Variants in DYNC2H1 observed in about 807,000 individuals in gnomAD.
DYNC2H1 encodes cytoplasmic dynein 2 heavy chain 1.
A neutral mutation model predicts 570.0 loss-of-function variants in DYNC2H1; 410 were observed. The observed-to-expected ratio is 0.72, with a 90% confidence interval of 0.66 to 0.78. The LOEUF is 0.78. Among genes scored for constraint, DYNC2H1 ranks in the 30% least tolerant of loss-of-function variants. The pLI, the probability that DYNC2H1 is intolerant of heterozygous loss-of-function variation, is 0.00. For synonymous variants in DYNC2H1, 1,688 were observed against 1,677.6 expected (o/e 1.01, Z -0.15); for missense variants, 4,865 against 5,046.4 (o/e 0.96, Z 1.09).
At chr11:103,247,342 C>G (rs1864657540) in intron 65 of DYNC2H1, among the ~76,000 whole-genome samples, 1 of 152,044 alleles carries the variant, frequency 6.6e-6, no homozygotes, top group South Asian at 2.1e-4. Context: ...CCTACAGAGA[C>G]AGGCATACGT....
At chr11:103,390,933 T>C (rs898435787) in intron 83 of DYNC2H1, among the ~76,000 whole-genome samples, 5 of 152,210 alleles carry the variant, frequency 3.3e-5, no homozygotes, top group African/African-American at 4.8e-5. Context: ...CTTACCATTT[T>C]TTCCTTCATT....
At chr11:103,459,098 AG>A (rs1762093183) in intron 87 of DYNC2H1, among the ~76,000 whole-genome samples, 1 of 151,354 alleles carries the variant, frequency 6.6e-6, no homozygotes, top group Non-Finnish European at 1.5e-5. Flanking sequence ...TCACGAGGTC[AG>A]GAGATCGAGA....
chr11:103,399,149 G>GTT lies in DYNC2H1; in HGVS notation c.12157-504_12157-503dup, dbSNP rs1241890291. Among the ~76,000 whole-genome samples the GTT allele has an allele frequency of 3.6e-4, 44 of 122,204 alleles. 1 individual carries two copies. Among genetic ancestry groups the GTT allele is most frequent in the African/African-American group, 1.4e-3 (40 of 29,114 alleles). 80.2% of individuals were successfully genotyped at this position (122,204 alleles called of 152,430 possible). A position where few individuals can be genotyped will look rare whatever the true frequency, so the allele number is the denominator to read the frequency against. On this transcript the variant is annotated intron_variant, in intron 83 of 88. Transcript: ENST00000375735. ...TCATTTCCCACACCGTTTTTTTTTT[G>GTT]TTTTTTTTTTTGAGATGGAGTCTCA...
intron 87 of DYNC2H1, among the ~76,000 whole-genome samples, chr11:103,466,452 A>G (rs767220361): frequency 2.0e-5 from 3 of 152,190 alleles, no homozygotes; most frequent in East Asian, 3.8e-4. Flanking sequence ...TACCATAGAA[A>G]GTGAAAACAC....
In DYNC2H1 at chr11:103,241,666, C is replaced by CT; in HGVS notation, c.9820-2027_9820-2026insT. On this transcript the variant is annotated intron_variant, in intron 63 of 88. Transcript: ENST00000375735. The surrounding 1 kb of genome is among the most constrained non-coding windows in gnomAD (Gnocchi z 5.1). ...TAGATCAAAAACCTAGGTGCAGCAC[C>CT]ATGGTAACACTTCACAGGCTATTTA... The CT allele has an allele frequency of 2.6e-6, 2 of 759,596 alleles. No homozygotes were observed. Among genetic ancestry groups the CT allele is most frequent in the Non-Finnish European group, 4.3e-6 (2 of 469,740 alleles). 47.1% of individuals were successfully genotyped at this position (759,596 alleles called of 1,614,324 possible). A position where few individuals can be genotyped will look rare whatever the true frequency, so the allele number is the denominator to read the frequency against.
rs1055035733 is a variant in DYNC2H1 at position 103,209,490 on chromosome 11, A to G, written c.8455-386A>G. On this transcript the variant is annotated intron_variant, in intron 52 of 88. Coordinates refer to ENST00000375735, the MANE Select transcript of DYNC2H1 (RefSeq NM_001377.3). The surrounding 1 kb of genome is among the most constrained non-coding windows in gnomAD (Gnocchi z 4.2). ...TTTTAGTTTTTTTTTGAAAAAGCTA[A>G]GAATCCTTGCTACCCCACTATGTCA... Among the ~76,000 whole-genome samples, 2 of 151,956 alleles carry G rather than the reference A, an allele frequency of 1.3e-5. No individual in the cohort carries two copies.
intron 76 of DYNC2H1, 76 bp downstream of exon 76, chr11:103,303,329 A>AT (rs1867131043): frequency 3.3e-6 from 5 of 1,505,326 alleles, no homozygotes; most frequent in South Asian, 1.4e-5. Flanking sequence ...TCAAATGGAC[A>AT]TTTTTTGTTG....
chr11:103,453,435 T>C (rs1487887675), intron 85 of DYNC2H1, among the ~76,000 whole-genome samples: 1 of 151,840 alleles, frequency 6.6e-6, no homozygotes, highest in Non-Finnish European at 1.5e-5. Flanking sequence ...TAAAATAATC[T>C]TTGTTATTTA....
chr11:103,369,122 A>G lies in DYNC2H1; in HGVS notation c.12156+10763A>G, dbSNP rs150361338. Reference sequence around the variant, plus strand: ...AGACACCATCCCTCCCCTGTCTCCAAGCAGCAGTGGCATGGCATGGAGAGC... The same window carrying G: ...AGACACCATCCCTCCCCTGTCTCCAGGCAGCAGTGGCATGGCATGGAGAGC... On this transcript the variant is annotated intron_variant, in intron 83 of 88. Coordinates refer to ENST00000375735, the MANE Select transcript of DYNC2H1 (RefSeq NM_001377.3). The surrounding 1 kb of genome is among the most constrained non-coding windows in gnomAD (Gnocchi z 4.0). 2.6e-3 allele frequency among the ~76,000 whole-genome samples: 403 copies of G among 152,270 alleles called. 1 individual carries two copies. Among genetic ancestry groups the G allele is most frequent in the African/African-American group, 9.3e-3 (388 of 41,544 alleles).
intron 30 of DYNC2H1, among the ~76,000 whole-genome samples, chr11:103,164,577 G>A (rs1259729212): frequency 6.6e-6 from 1 of 152,002 alleles, no homozygotes; most frequent in Non-Finnish European, 1.5e-5. Context: ...ATCTGACTTT[G>A]GTTTAAATAT....
At position 103,117,640 on chromosome 11, in the gene DYNC2H1, T is replaced by C; in HGVS notation, c.776T>C (p.Phe259Ser). ...CTTTATGTTTTATTAGGTGGTTCAT[T>C]TGGAAGGTTTGTTCAGAAAAAGTTG... ...LHLLDIIGGS[F>S]GRFVQKKLGT... Residue 259 changes from phenylalanine (F) to serine (S), a missense_variant, in exon 6 of 89, where the codon TTT becomes TCT. Transcript: ENST00000375735. 6.3e-7 allele frequency: 1 copy of C among 1,596,134 alleles called. No individual in the cohort carries two copies. Among genetic ancestry groups the C allele is most frequent in the Non-Finnish European group, 8.5e-7 (1 of 1,170,424 alleles).
intron 18 of DYNC2H1, among the ~76,000 whole-genome samples, chr11:103,144,874 T>A (rs959716923): frequency 4.6e-5 from 2 of 43,534 alleles, no homozygotes; most frequent in Non-Finnish European, 7.8e-5. Flanking sequence ...GTAATAATAA[T>A]GATAATTAGT....
At chr11:103,124,566 A>G (rs760391206) in intron 11 of DYNC2H1, among the ~76,000 whole-genome samples, 6 of 151,830 alleles carry the variant, frequency 4.0e-5, no homozygotes, top group Non-Finnish European at 8.8e-5. Context: ...TTCTGATTTG[A>G]GTTCCCCAAA....
intron 79 of DYNC2H1, among the ~76,000 whole-genome samples, chr11:103,315,511 A>G (rs923923788): frequency 2.0e-5 from 3 of 151,728 alleles, no homozygotes; most frequent in African/African-American, 7.3e-5. Context: ...GTCATTCTTA[A>G]CAGCCCTCTT....
At chr11:103,165,355 C>T (rs1861260803) in intron 30 of DYNC2H1, among the ~76,000 whole-genome samples, 1 of 152,174 alleles carries the variant, frequency 6.6e-6, no homozygotes, top group Non-Finnish European at 1.5e-5. Flanking sequence ...TCTTGAACTC[C>T]TGGCCTCAAG....
intron 20 of DYNC2H1, among the ~76,000 whole-genome samples, chr11:103,148,824 C>T (rs977288848): frequency 1.3e-4 from 20 of 151,976 alleles, no homozygotes; most frequent in African/African-American, 4.4e-4. Flanking sequence ...TTTGGGAGGC[C>T]GAGGCAGGCA....
At chr11:103,283,312 T>C (rs1033067847) in intron 73 of DYNC2H1, among the ~76,000 whole-genome samples, 1 of 152,098 alleles carries the variant, frequency 6.6e-6, no homozygotes, top group Non-Finnish European at 1.5e-5. Flanking sequence ...ATTTTCTTTC[T>C]CTCCCTTCCC....
In DYNC2H1 at chr11:103,133,759, G is replaced by C; in HGVS notation, c.2106+52G>C. The stretch of plus-strand genomic sequence containing the variant: ...AGCTATGAATGATATTATTTAAAAA[G>C]TCATTAAGATACAATTTTTAAAAAC... On this transcript the variant is annotated intron_variant, in intron 14 of 88. Transcript: ENST00000375735. This position sits in a 1 kb window ranked among gnomAD's most constrained non-coding sequence, Gnocchi z 4.8. The C allele has an allele frequency of 1.4e-6, 2 of 1,461,856 alleles. No individual in the cohort carries two copies. Among genetic ancestry groups the C allele is most frequent in the South Asian group, 1.4e-5 (1 of 73,042 alleles). The allele number at this position is 1,461,856 out of a possible 1,614,324, so 90.6% of individuals were successfully genotyped here.
intron 84 of DYNC2H1, among the ~76,000 whole-genome samples, chr11:103,413,504 A>AAT (rs1270271577): frequency 3.3e-5 from 5 of 152,200 alleles, no homozygotes; most frequent in Admixed American, 2.0e-4. Context: ...CTGGTAGAGC[A>AAT]TTAAAGCCTG....
Sources: gnomAD v4.1 joint callset for allele counts (sites outside exome capture counted in the v4.1 genomes callset) on GRCh38, gnomAD v4.1.1 for gene constraint, Gnocchi (gnomAD v3.1) non-coding constraint, MANE v1.5 for transcripts, NCBI Gene and HGNC (gene_info 2026-07-23, HGNC 2026-07-21) for gene names.